The following ZBTB20 variants were observed in gnomAD, a reference collection of about 807,000 sequenced individuals.
ZBTB20 encodes the protein zinc finger and BTB domain-containing protein 20.
In ZBTB20, 9 loss-of-function variants were observed where a neutral mutation model predicts 56.9. The observed-to-expected ratio is 0.16, with a 90% CI of 0.10 to 0.28. ZBTB20 has a LOEUF of 0.28. Among genes scored for constraint, ZBTB20 ranks in the 10% least tolerant of loss-of-function variants. The pLI is 1.00. For missense variants in ZBTB20, 655 were observed against 1,003.0 expected (o/e 0.65, Z 4.69); for synonymous variants, 417 against 420.7 (o/e 0.99, Z 0.11).
At chr3:114,474,870 G>A (rs570823828) in intron 7 of ZBTB20, among the ~76,000 whole-genome samples, 1 of 152,160 alleles carries the variant, frequency 6.6e-6, no homozygotes, top group East Asian at 1.9e-4. Flanking sequence ...CTGGACTATT[G>A]TAATAGTCTC....
chr3:115,078,143 T>A (rs907075979), intron 1 of ZBTB20, among the ~76,000 whole-genome samples: 7 of 152,334 alleles, frequency 4.6e-5, no homozygotes, highest in East Asian at 1.9e-4. Flanking sequence ...TGCTTCCCTA[T>A]CTGAATCACC....
At chr3:115,083,110 T>A (rs756427626) in intron 1 of ZBTB20, among the ~76,000 whole-genome samples, 187 of 152,050 alleles carry the variant, frequency 1.2e-3, no homozygotes, top group Non-Finnish European at 2.0e-3. Context: ...GCCACAAAGC[T>A]ACATATAACT....
chr3:114,762,381 C>G lies in ZBTB20; in HGVS notation c.-343+38720G>C, dbSNP rs1338694643. Among the ~76,000 whole-genome samples the G allele has an allele frequency of 2.6e-5, 4 of 152,150 alleles. No individual in the cohort carries two copies. The East Asian group carries it at 7.7e-4, about 29-fold the overall frequency. ...GGCACTCTGATGCCCTCTCCACATT[C>G]TTTCTTCTCTCTTGACATTGACTAA... On this transcript the variant is annotated intron_variant, in intron 5 of 11. Transcript: ENST00000675478.
At chr3:114,423,300 G>T (rs2089354386) in intron 7 of ZBTB20, among the ~76,000 whole-genome samples, 1 of 152,086 alleles carries the variant, frequency 6.6e-6, no homozygotes, top group Admixed American at 6.6e-5. Context: ...ACATCACTCT[G>T]GTGTGTCAGG....
rs957363991 is a variant in ZBTB20 at position 114,667,220 on chromosome 3, A to G, written c.-295+26308T>C. ...TCCAATAATGGAACACTAGGCATAAATGGGATAAAACACAAATTGCTAGGT... is the reference window on the plus strand; with the variant it reads ...TCCAATAATGGAACACTAGGCATAAGTGGGATAAAACACAAATTGCTAGGT... On this transcript the variant is annotated intron_variant, in intron 6 of 11. Transcript: ENST00000675478. 4.6e-5 allele frequency among the ~76,000 whole-genome samples: 7 copies of G among 152,146 alleles called. No homozygotes were observed. The East Asian group carries it at 9.7e-4, about 21-fold the overall frequency.
chr3:114,477,649 C>T (rs895269128), intron 7 of ZBTB20, among the ~76,000 whole-genome samples: 4 of 151,910 alleles, frequency 2.6e-5, no homozygotes, highest in African/African-American at 9.7e-5. Context: ...GCGCCCAACA[C>T]CACGCCTGGC....
intron 6 of ZBTB20, among the ~76,000 whole-genome samples, chr3:114,550,635 GT>G (rs537306767): frequency 6.6e-4 from 100 of 152,258 alleles, no homozygotes; most frequent in African/African-American, 2.3e-3. Context: ...TATAAAGAAA[GT>G]TATAATTTCT....
chr3:114,322,779 TCTGA>T lies in ZBTB20; in HGVS notation c.*16222_*16225del, dbSNP rs1249734228. The T allele has an allele frequency of 2.6e-5, 4 of 152,240 alleles. No homozygotes were observed. The highest frequency in any genetic ancestry group is 4.4e-5 in the Non-Finnish European group (3 of 68,048). 9.4% of individuals were successfully genotyped at this position (152,240 alleles called of 1,614,324 possible). A position where few individuals can be genotyped will look rare whatever the true frequency, so the allele number is the denominator to read the frequency against. ...TTTGGATGGCTCTAAATGGAGTTTT[TCTGA>T]CTAACAAGGCTGACAACTTTCTGAA... On this transcript the variant is annotated 3_prime_UTR_variant, in exon 12 of 12. Coordinates refer to ENST00000675478, the MANE Select transcript of ZBTB20 (RefSeq NM_001348800.3).
At chr3:114,947,542 A>G (rs564713840) in intron 3 of ZBTB20, among the ~76,000 whole-genome samples, 4 of 146,112 alleles carry the variant, frequency 2.7e-5, no homozygotes, top group South Asian at 2.1e-4. Context: ...TTGTAAGTGA[A>G]ATAACTCAGA....
chr3:114,749,844 C>G (rs1483138959), intron 5 of ZBTB20, among the ~76,000 whole-genome samples: 1 of 152,262 alleles, frequency 6.6e-6, no homozygotes, highest in East Asian at 1.9e-4. Context: ...ACCCATCTCA[C>G]AAAATTGTTT....
intron 6 of ZBTB20, among the ~76,000 whole-genome samples, chr3:114,611,901 T>G (rs1217640043): frequency 6.6e-6 from 1 of 152,340 alleles, no homozygotes; most frequent in East Asian, 1.9e-4. Flanking sequence ...AAATCCTTAT[T>G]GCATTCTAAC....
intron 7 of ZBTB20, among the ~76,000 whole-genome samples, chr3:114,439,297 C>T (rs1164700518): frequency 6.6e-6 from 1 of 152,090 alleles, no homozygotes; most frequent in African/African-American, 2.4e-5. Context: ...TGGGTGTATG[C>T]ACACAGGTTC....
In ZBTB20 at chr3:114,705,739, A is replaced by G. The variant is rs2063682442; in HGVS notation, c.-342-12164T>C. ...TCTCTTCAGATAGTAACCAGTTGTG[A>G]GCCATCCGAACACGGAGGAATTTTA... On this transcript the variant is annotated intron_variant, in intron 5 of 11. Coordinates refer to ENST00000675478, the MANE Select transcript of ZBTB20 (RefSeq NM_001348800.3). Among the ~76,000 whole-genome samples the G allele has an allele frequency of 3.9e-5, 6 of 152,310 alleles. No homozygotes were observed. In the South Asian group the frequency reaches 1.2e-3, roughly 32 times the overall value.
At chr3:114,486,538 A>G (rs567113363) in intron 7 of ZBTB20, among the ~76,000 whole-genome samples, 2 of 152,320 alleles carry the variant, frequency 1.3e-5, no homozygotes, top group East Asian at 1.9e-4. Flanking sequence ...TTATTCAAGC[A>G]TGGTGGTGAT....
intron 4 of ZBTB20, among the ~76,000 whole-genome samples, chr3:114,802,309 AT>A (rs2071774982): frequency 6.6e-6 from 1 of 151,864 alleles, no homozygotes; most frequent in Non-Finnish European, 1.5e-5. Context: ...CACCCCTTAA[AT>A]TGTACTATTA....
At chr3:114,624,978 C>T (rs778112524) in intron 6 of ZBTB20, 3 of 152,608 alleles carry the variant, frequency 2.0e-5, no homozygotes, top group Non-Finnish European at 4.4e-5. Flanking sequence ...TCTAGTCCTT[C>T]GACTCCTGTC....
chr3:114,457,725 T>C (rs1166412182), intron 7 of ZBTB20, among the ~76,000 whole-genome samples: 2 of 152,172 alleles, frequency 1.3e-5, no homozygotes, highest in Non-Finnish European at 2.9e-5. Context: ...AATGAGGTAC[T>C]ACCAATATCC....
chr3:114,911,876 C>A (rs2075553805), intron 3 of ZBTB20, among the ~76,000 whole-genome samples: 1 of 151,676 alleles, frequency 6.6e-6, no homozygotes, highest in African/African-American at 2.4e-5. Flanking sequence ...AGAAAAGTTC[C>A]CAAATCCTGG....
intron 10 of ZBTB20, among the ~76,000 whole-genome samples, chr3:114,373,228 T>C (rs1375014763): frequency 5.3e-5 from 8 of 152,222 alleles, no homozygotes; most frequent in African/African-American, 1.9e-4. Flanking sequence ...CAGAATACTT[T>C]CTTACTTTGA....
Sources: gnomAD v4.1 joint callset for allele counts (sites outside exome capture counted in the v4.1 genomes callset) on GRCh38, gnomAD v4.1.1 for gene constraint, MANE v1.5 for transcripts, NCBI Gene and HGNC (gene_info 2026-07-23, HGNC 2026-07-21) for gene names.